ADH1B: variants seen among roughly 807,000 people sequenced by gnomAD.
ADH1B encodes the protein alcohol dehydrogenase 1B (class I), beta polypeptide, also known as all-trans-retinol dehydrogenase [NAD(+)] ADH1B.
In ADH1B, 29 loss-of-function variants were observed where a neutral mutation model predicts 34.6. That is an observed-to-expected ratio of 0.84 (90% CI 0.62 to 1.14). The LOEUF (loss-of-function observed/expected upper bound fraction) is 1.14. ADH1B is among the 50% of genes most tolerant of loss of function. The probability of loss-of-function intolerance (pLI) is 0.00; values close to 1 mark genes in which losing one functional copy is unlikely to be tolerated. For synonymous variants in ADH1B, 170 were observed against 175.5 expected (o/e 0.97, Z 0.25); for missense variants, 424 against 468.4 (o/e 0.91, Z 0.87).
rs1408101784 is a variant in ADH1B, at chr4:99,306,090, C to G, written c.*1750G>C. 1 of 152,236 alleles carries G rather than the reference C, an allele frequency of 6.6e-6. No individual in the cohort carries two copies. The highest frequency in any genetic ancestry group is 1.5e-5 in the Non-Finnish European group (1 of 68,100). 9.4% of individuals were successfully genotyped at this position (152,236 alleles called of 1,614,324 possible). A position where few individuals can be genotyped will look rare whatever the true frequency, so the allele number is the denominator to read the frequency against. On this transcript the variant is annotated 3_prime_UTR_variant, in exon 9 of 9. Transcript: ENST00000305046. ...GCAAGATTTCTGCTCACTGCAACCT[C>G]CGCCTCCCAGGCTCCAGCGATTCTC...
chr4:99,321,204 TATC>T (rs2110641121), intron 1 of ADH1B, 107 bp downstream of exon 1: 1 of 972,280 alleles, frequency 1.0e-6, no homozygotes, highest in South Asian at 1.4e-5. Flanking sequence ...TATTTCAGCA[TATC>T]ATTTCTAATT....
In ADH1B at chr4:99,318,795, A is replaced by T. The variant is rs775558705; in HGVS notation, c.110T>A (p.Val37Asp). 9 of 1,611,458 alleles carry T rather than the reference A, an allele frequency of 5.6e-6. No homozygotes were observed. The Admixed American group carries it at 1.3e-4, about 24-fold the overall frequency. ...VEVAPPKAYE[V>D]RIKMVAVGIC... ...GGAAAAATATTTCACCTTAATGCGAACTTCATAAGCCTTAGGAGGTGCAAC... is the reference window on the plus strand; with the variant it reads ...GGAAAAATATTTCACCTTAATGCGATCTTCATAAGCCTTAGGAGGTGCAAC... The change falls in exon 2 of 9, where the codon GTT becomes GAT. Residue 37 changes from valine to aspartate, a missense_variant. By Grantham distance (152) the Val-to-Asp change is radical. Transcript: ENST00000305046.
rs1278530780 is a variant in ADH1B, at chr4:99,318,078, C to G, written c.227G>C (p.Ser76Thr). ...GACTGTAGTCACCCCTTCTCCAACA[C>G]TCTCCACGATGCCGGCTGCCTCATG... ...LGHEAAGIVE[S>T]VGEGVTTVKP... Residue 76 changes from serine to threonine, a missense_variant, in exon 3 of 9, where the codon AGT becomes ACT. Around this residue, in one of 3 missense-constraint regions of ADH1B, gnomAD observed 291 missense variants for 300.4 expected, o/e 0.97. Coordinates refer to ENST00000305046, the MANE Select transcript of ADH1B (RefSeq NM_000668.6). The G allele has an allele frequency of 6.2e-7, 1 of 1,614,100 alleles. No homozygotes were observed. The highest frequency in any genetic ancestry group is 8.5e-7 in the Non-Finnish European group (1 of 1,179,996).
chr4:99,314,311 A>T, intron 5 of ADH1B: 2 of 672,792 alleles, frequency 3.0e-6, no homozygotes, highest in Non-Finnish European at 4.8e-6. Context: ...GGAGCTTTAC[A>T]AAATATCCCA....
intron 1 of ADH1B, among the ~76,000 whole-genome samples, chr4:99,321,093 T>C (rs1734014111): frequency 6.6e-6 from 1 of 152,196 alleles, no homozygotes; most frequent in Non-Finnish European, 1.5e-5. Context: ...TAAAGACTAA[T>C]AGACACAGGT....
chr4:99,315,198 T>C (rs1366488541), intron 5 of ADH1B: 1 of 152,424 alleles, frequency 6.6e-6, no homozygotes, highest in Non-Finnish European at 1.5e-5. Flanking sequence ...TGGGCAAATA[T>C]CTTTATATAT....
intron 5 of ADH1B, 105 bp from the exon 6 acceptor site, chr4:99,314,186 T>C: frequency 6.6e-7 from 1 of 1,508,512 alleles, no homozygotes; most frequent in Non-Finnish European, 8.9e-7. Flanking sequence ...CTACTCAGAC[T>C]CTTTTGTCCA....
intron 8 of ADH1B, among the ~76,000 whole-genome samples, chr4:99,309,465 G>T (rs993487863): frequency 2.6e-5 from 4 of 152,036 alleles, no homozygotes; most frequent in African/African-American, 9.7e-5. Context: ...TTCTCATAAA[G>T]TGAATTTAGG....
At chr4:99,310,964 A>T (rs980144769) in intron 7 of ADH1B, 61 bp from the exon 8 acceptor site, 1 of 1,572,480 alleles carries the variant, frequency 6.4e-7, no homozygotes, top group African/African-American at 1.4e-5. Context: ...ATTGAAGAGA[A>T]GATTTTCCAA....
intron 1 of ADH1B, chr4:99,319,303 A>C (rs570653299): frequency 4.1e-6 from 1 of 243,162 alleles, no homozygotes; most frequent in African/African-American, 2.3e-5. Context: ...TTTATTGCTC[A>C]ATTTTCTGCT....
Position 99,318,773 on chromosome 4 carries a change from A to G in ADH1B, c.120+12T>C. On this transcript the variant is annotated intron_variant, in intron 2 of 8. Coordinates refer to ENST00000305046, the MANE Select transcript of ADH1B (RefSeq NM_000668.6). ...AAATGTAAAATGAAATATAAATGGA[A>G]AAATATTTCACCTTAATGCGAACTT... is the stretch of plus-strand genomic sequence containing the variant. The G allele has an allele frequency of 6.3e-7, 1 of 1,593,706 alleles. No homozygotes were observed. Among genetic ancestry groups the G allele is most frequent in the Non-Finnish European group, 8.5e-7 (1 of 1,171,158 alleles).
chr4:99,314,318 C>A, intron 5 of ADH1B: 2 of 652,964 alleles, frequency 3.1e-6, no homozygotes, highest in Non-Finnish European at 5.0e-6. Context: ...TACAAAATAT[C>A]CCACAGTCCA....
chr4:99,305,581 A>G lies in ADH1B; in HGVS notation c.*2259T>C, dbSNP rs1387432743. The G allele has an allele frequency of 2.4e-4, 22 of 91,902 alleles. 1 individual carries two copies. Among genetic ancestry groups the G allele is most frequent in the African/African-American group, 7.7e-4 (20 of 26,014 alleles). The allele number at this position is 91,902 out of a possible 1,614,324, so 5.7% of individuals were successfully genotyped here. On this transcript the variant is annotated 3_prime_UTR_variant, in exon 9 of 9. Transcript: ENST00000305046. ...ATAGTGTATATATATATATATATAT[A>G]TATATATATATATATATATATATAT...
chr4:99,312,188 G>A (rs557375230), intron 6 of ADH1B, among the ~76,000 whole-genome samples: 1 of 152,148 alleles, frequency 6.6e-6, no homozygotes, highest in Non-Finnish European at 1.5e-5. Flanking sequence ...TTAGAAAATG[G>A]TTAAAGATCC....
intron 3 of ADH1B, chr4:99,317,002 C>T (rs1049133381): frequency 2.0e-5 from 3 of 151,946 alleles, no homozygotes; most frequent in African/African-American, 7.3e-5. Flanking sequence ...TCTACTTTTC[C>T]TGTTATGGTG....
At chr4:99,319,476 G>T (rs28913911) in intron 1 of ADH1B, 31 of 159,472 alleles carry the variant, frequency 1.9e-4, no homozygotes, top group Non-Finnish European at 4.3e-4. Context: ...CTTAGCTTTG[G>T]CAGCCTGTTT....
chr4:99,315,704 G>T (rs1002334196), intron 5 of ADH1B, 194 bp downstream of exon 5: 1 of 673,624 alleles, frequency 1.5e-6, no homozygotes, highest in Non-Finnish European at 2.5e-6. Context: ...ATCTTTATTC[G>T]TAACAACTTT....
intron 5 of ADH1B, 103 bp from the exon 6 acceptor site, chr4:99,314,184 A>C (rs1733823874): frequency 4.0e-6 from 6 of 1,513,910 alleles, no homozygotes; most frequent in Non-Finnish European, 5.3e-6. Flanking sequence ...AACTACTCAG[A>C]CTCTTTTGTC....
chr4:99,316,407 T>A, intron 3 of ADH1B, 105 bp from the exon 4 acceptor site: 1 of 1,163,424 alleles, frequency 8.6e-7, no homozygotes, highest in Non-Finnish European at 1.2e-6. Context: ...TCTTTAAAAG[T>A]CTTTAAGGAA....
Sources: allele counts gnomAD v4.1 joint callset (sites outside exome capture counted in the v4.1 genomes callset), GRCh38; gene constraint gnomAD v4.1.1; regional missense constraint gnomAD v4.1.1; transcripts MANE v1.5; gene names NCBI Gene and HGNC (gene_info 2026-07-23, HGNC 2026-07-21).